The following TDRKH variants were observed in gnomAD, a reference collection of about 807,000 sequenced individuals.
TDRKH encodes tudor and KH domain-containing protein.
TDRKH carries 28 observed loss-of-function variants against 61.3 expected under a neutral mutation model. The observed-to-expected ratio is 0.46, with a 90% CI of 0.34 to 0.63. The LOEUF is 0.63. Ranked by LOEUF, TDRKH falls within the 20% of genes least tolerant of loss-of-function variation. The pLI, the probability that TDRKH is intolerant of heterozygous loss-of-function variation, is 0.01. For missense variants in TDRKH, 540 were observed against 683.4 expected (o/e 0.79, Z 2.34); for synonymous variants, 219 against 244.4 (o/e 0.90, Z 0.97).
At chr1:151,767,416 G>GC, downstream of TDRKH, 1 of 1,499,120 alleles carries the variant, frequency 6.7e-7, no homozygotes, top group Non-Finnish European at 8.9e-7. Context: ...ATCTTGGAAC[G>GC]CATGTGTAAA....
At chr1:151,773,290 G>T (rs1347749935), downstream of TDRKH, among the ~76,000 whole-genome samples, 1 of 152,174 alleles carries the variant, frequency 6.6e-6, no homozygotes, top group Non-Finnish European at 1.5e-5. Context: ...CAAAGCGCTG[G>T]GATTACAGGT....
Position 151,775,427 on chromosome 1 carries a change from G to A in TDRKH, c.1399C>T (p.Pro467Ser). Residue 467 changes from proline (P) to serine (S), a missense_variant, in exon 10 of 13, where the codon CCA (proline) becomes TCA (serine). By Grantham distance (74) the Pro-to-Ser change is moderately conservative (BLOSUM62 -1). Around this residue, in one of 3 missense-constraint regions of TDRKH, gnomAD observed 379 missense variants for 443.8 expected, o/e 0.85. Transcript: ENST00000368824. ...SYVQTGISTW[P>S]KIYLYDTSNG... is the part of the protein sequence containing the mutation. ...CTAGTATCATATAAGTAGATCTTTG[G>A]CCAAGTTGAGATCCCAGTCTGGACA... The A allele has an allele frequency of 6.2e-7, 1 of 1,613,926 alleles. No individual in the cohort carries two copies. The highest frequency in any genetic ancestry group is 8.5e-7 in the Non-Finnish European group (1 of 1,179,954).
At chr1:151,774,851 T>C in intron 11 of TDRKH, 45 bp from the exon 12 acceptor site, 1 of 1,603,956 alleles carries the variant, frequency 6.2e-7, no homozygotes, top group Non-Finnish European at 8.5e-7. Context: ...TGTTGGCTTT[T>C]AGGAAAAAAG....
chr1:151,778,570 C>A (rs1437878697), intron 6 of TDRKH, 115 bp downstream of exon 6: 2 of 1,566,068 alleles, frequency 1.3e-6, no homozygotes, highest in Non-Finnish European at 1.8e-6. Flanking sequence ...CTGTCCTGAC[C>A]CCAGCCATAT....
At chr1:151,787,586 G>C (rs1650442567) in intron 1 of TDRKH, among the ~76,000 whole-genome samples, 1 of 152,050 alleles carries the variant, frequency 6.6e-6, no homozygotes, top group African/African-American at 2.4e-5. Context: ...TGGTTAAATA[G>C]TGCTAGCTCT....
Position 151,774,802 on chromosome 1 carries a change from G to A in TDRKH, c.1541C>T (p.Thr514Ile). ...AVPDMLKDMATETDASLSTLL... is the reference protein window; with the variant it reads ...AVPDMLKDMAIETDASLSTLL... ...CGTGCTGAGAGAGGCATCTGTTTCT[G>A]TGGCCTGAGTGGATGAAAACAGGAA... The change falls in exon 12 of 13, where the codon ACA becomes ATA. Residue 514 changes from threonine (T) to isoleucine (I), a missense_variant. Transcript: ENST00000368824. 2.5e-6 allele frequency: 4 copies of A among 1,614,112 alleles called. No homozygotes were observed. Among genetic ancestry groups the A allele is most frequent in the South Asian group, 1.1e-5 (1 of 91,070 alleles).
chr1:151,783,218 T>C (rs980812563), intron 1 of TDRKH, 169 bp from the exon 2 acceptor site: 3 of 467,878 alleles, frequency 6.4e-6, no homozygotes, highest in African/African-American at 4.1e-5. Context: ...GCTCAGGGTA[T>C]TTTTTAAAAG....
downstream of TDRKH, chr1:151,766,876 G>T (rs369647761): frequency 6.2e-6 from 10 of 1,610,492 alleles, no homozygotes; most frequent in Non-Finnish European, 8.5e-6. Flanking sequence ...ATGCTGCCTC[G>T]TTGTTATAAA....
intron 6 of TDRKH, among the ~76,000 whole-genome samples, chr1:151,777,215 T>G (rs1414724786): frequency 1.3e-5 from 2 of 152,038 alleles, no homozygotes; most frequent in African/African-American, 2.4e-5. Flanking sequence ...GAGGCCAAGG[T>G]GGGTGGATCA....
chr1:151,789,799 G>A (rs998158297), intron 1 of TDRKH, among the ~76,000 whole-genome samples: 2 of 151,828 alleles, frequency 1.3e-5, no homozygotes, highest in African/African-American at 4.8e-5. Flanking sequence ...GCAGCTCAAT[G>A]TTCTCATCCT....
intron 12 of TDRKH, 81 bp downstream of exon 12, chr1:151,774,629 A>C: frequency 6.3e-7 from 1 of 1,589,828 alleles, no homozygotes; most frequent in Non-Finnish European, 8.6e-7. Context: ...CCAAGCCTTC[A>C]ATTAACCTCC....
intron 1 of TDRKH, among the ~76,000 whole-genome samples, chr1:151,790,095 G>A (rs1006607054): frequency 1.3e-5 from 2 of 152,202 alleles, no homozygotes; most frequent in South Asian, 2.1e-4. Context: ...AAGGCCCAGT[G>A]GAAGAGTCTG....
At chr1:151,767,490 G>A, downstream of TDRKH, 1 of 1,216,764 alleles carries the variant, frequency 8.2e-7, no homozygotes, top group East Asian at 2.8e-5. Context: ...CATACAGATG[G>A]TAGTGAAAAT....
At chr1:151,768,263 G>A, downstream of TDRKH, 3 of 1,589,582 alleles carry the variant, frequency 1.9e-6, no homozygotes, top group Non-Finnish European at 2.6e-6. Context: ...AGAATGGGGA[G>A]GGAATAGGTA....
In TDRKH at chr1:151,775,181, GA is replaced by G; in HGVS notation, c.1435-16del. 1 of 1,613,332 alleles carries G rather than the reference GA, an allele frequency of 6.2e-7. No individual in the cohort carries two copies. The highest frequency in any genetic ancestry group is 8.5e-7 in the Non-Finnish European group (1 of 1,179,396). On this transcript the variant is annotated splice_polypyrimidine_tract_variant and intron_variant, in intron 10 of 12. Transcript: ENST00000368824. ...ATATCAAGTTTCTGAGAAGAAAAAT[GA>G]AAAGGGAATGATGTTCTCTCAGTAA...
chr1:151,775,579 G>A, intron 9 of TDRKH, 36 bp from the exon 10 acceptor site: 1 of 1,601,774 alleles, frequency 6.2e-7, no homozygotes, highest in Non-Finnish European at 8.5e-7. Flanking sequence ...GCTGATAGGG[G>A]TGGGGCTTAT....
At chr1:151,773,272 T>TA (rs1419843476), downstream of TDRKH, among the ~76,000 whole-genome samples, 1 of 151,798 alleles carries the variant, frequency 6.6e-6, no homozygotes, top group Non-Finnish European at 1.5e-5. Flanking sequence ...CTGCCTGCCT[T>TA]AGCCTCCCAA....
chr1:151,767,402 T>A, downstream of TDRKH: 1 of 1,518,256 alleles, frequency 6.6e-7, no homozygotes, highest in Non-Finnish European at 8.8e-7. Context: ...CAGAGGTAGA[T>A]GGAATCTTGG....
downstream of TDRKH, chr1:151,767,345 T>A: frequency 1.2e-5 from 19 of 1,595,214 alleles, no homozygotes; most frequent in Non-Finnish European, 1.6e-5. Flanking sequence ...ACCCTTTTCT[T>A]GCATACCTTG....
Sources: allele counts gnomAD v4.1 joint callset (sites outside exome capture counted in the v4.1 genomes callset), GRCh38; gene constraint gnomAD v4.1.1; regional missense constraint gnomAD v4.1.1; transcripts MANE v1.5; gene names NCBI Gene and HGNC (gene_info 2026-07-23, HGNC 2026-07-21).